Variants in ACOX3 observed in about 807,000 individuals in gnomAD.
The protein encoded by ACOX3 is peroxisomal acyl-coenzyme A oxidase 3.
ACOX3 carries 73 observed loss-of-function variants against 81.5 expected under a neutral mutation model. The ratio of observed to expected loss-of-function variants is 0.90; its 90% confidence interval spans 0.74 to 1.09. ACOX3 has a LOEUF of 1.09. ACOX3 is among the 50% of genes least tolerant of loss of function. The pLI is 0.00. For synonymous variants in ACOX3, 387 were observed against 375.1 expected (o/e 1.03, Z -0.37); for missense variants, 947 against 928.0 (o/e 1.02, Z -0.27).
chr4:8,390,265 G>T (rs2108859159), intron 11 of ACOX3, among the ~76,000 whole-genome samples: 2 of 152,006 alleles, frequency 1.3e-5, no homozygotes, highest in South Asian at 4.1e-4. Flanking sequence ...TTGCTTAAGA[G>T]CCCAGGCATT....
At chr4:8,357,101 G>T in the ACOX3 span, 3 of 456,384 alleles carry the variant, frequency 6.6e-6, no homozygotes, top group East Asian at 1.4e-4. Context: ...GTGAGAGGAA[G>T]AAAGTGAGCA....
chr4:8,375,564 G>A (rs1171742859), intron 14 of ACOX3, among the ~76,000 whole-genome samples: 1 of 152,208 alleles, frequency 6.6e-6, no homozygotes, highest in Admixed American at 6.5e-5. Context: ...AGAGGAGCTG[G>A]AGAAGGGGCT....
rs1002699467 is a variant in ACOX3, at chr4:8,416,350, A to G, written c.144+28T>C. On this transcript the variant is annotated intron_variant, in intron 2 of 17. Transcript: ENST00000356406. This position sits in a 1 kb window ranked among gnomAD's most constrained non-coding sequence, Gnocchi z 4.2. ...AACTAAGACCCCACTGGGAAAAAAG[A>G]CAAGCTGCGCACAACCGCACGCCTC... 5 of 1,613,860 alleles carry G rather than the reference A, an allele frequency of 3.1e-6. No homozygotes were observed. The African/African-American group carries it at 5.3e-5, about 17-fold the overall frequency.
At chr4:8,420,517 T>G (rs1026419008) in intron 1 of ACOX3, among the ~76,000 whole-genome samples, 1 of 152,056 alleles carries the variant, frequency 6.6e-6, no homozygotes, top group Non-Finnish European at 1.5e-5. Context: ...AAATACCAAT[T>G]AGGCTAAAAA....
Position 8,380,861 on chromosome 4 carries a change from C to G in ACOX3, c.1653+631G>C, listed in dbSNP as rs568367741. On this transcript the variant is annotated intron_variant, in intron 14 of 17. Coordinates refer to ENST00000356406, the MANE Select transcript of ACOX3 (RefSeq NM_003501.3). ...TGGCACCCACAGACACATCCGGGAG[C>G]CCTACTGCCCCCACCGGCTGCCCCC... is the stretch of plus-strand genomic sequence containing the variant. Among the ~76,000 whole-genome samples, 148 of 152,304 alleles carry G rather than the reference C, an allele frequency of 9.7e-4. 4 individuals are homozygous for G. In the South Asian group the frequency reaches 0.03, roughly 31 times the overall value.
intron 7 of ACOX3, among the ~76,000 whole-genome samples, chr4:8,403,510 T>A (rs576873906): frequency 6.6e-6 from 1 of 152,250 alleles, no homozygotes; most frequent in Non-Finnish European, 1.5e-5. Context: ...TCCCACTGCA[T>A]CCCTGTCACC....
intron 1 of ACOX3, among the ~76,000 whole-genome samples, chr4:8,427,348 G>C (rs532930627): frequency 3.3e-4 from 50 of 152,306 alleles, no homozygotes; most frequent in African/African-American, 1.2e-3. Flanking sequence ...TCTTGCAACT[G>C]CACACTTTTC....
Position 8,383,875 on chromosome 4 carries a change from C to A in ACOX3, c.1538-2268G>T, listed in dbSNP as rs145092374. Among the ~76,000 whole-genome samples the A allele has an allele frequency of 3.0e-4, 45 of 152,334 alleles. No homozygotes were observed. The East Asian group carries it at 8.3e-3, about 28-fold the overall frequency. ...GTCACGAACAGCAAGGAAAGGTAGA[C>A]GCCGTACAGTTGTGCTTCCCACGAC... On this transcript the variant is annotated intron_variant, in intron 13 of 17. Transcript: ENST00000356406.
Position 8,432,674 on chromosome 4 carries a change from T to C in ACOX3, c.-15+7974A>G, listed in dbSNP as rs564379478. 2.0e-4 allele frequency among the ~76,000 whole-genome samples: 30 copies of C among 152,358 alleles called. No individual in the cohort carries two copies. The highest frequency in any genetic ancestry group is 1.9e-3 in the Admixed American group (29 of 15,306). On this transcript the variant is annotated intron_variant, in intron 1 of 17. Transcript: ENST00000356406. This position sits in a 1 kb window ranked among gnomAD's most constrained non-coding sequence, Gnocchi z 6.2. ...TGTGAAGTGGCTGGAGCCATCATTCTGATCAGCACAACAGGGCTGCCACTC... is the reference window on the plus strand; with the variant it reads ...TGTGAAGTGGCTGGAGCCATCATTCCGATCAGCACAACAGGGCTGCCACTC...
intron 6 of ACOX3, among the ~76,000 whole-genome samples, chr4:8,408,764 C>CA (rs2108944951): frequency 6.6e-6 from 1 of 152,212 alleles, no homozygotes; most frequent in South Asian, 2.1e-4. Context: ...TGGTTGCAGA[C>CA]CCCTAAATAG....
downstream of ACOX3, among the ~76,000 whole-genome samples, chr4:8,362,289 T>A (rs1364802536): frequency 2.0e-5 from 3 of 152,240 alleles, no homozygotes; most frequent in Non-Finnish European, 2.9e-5. Context: ...TGAAGTAATG[T>A]TTTTAACTTT....
intron 14 of ACOX3, among the ~76,000 whole-genome samples, chr4:8,377,205 C>T (rs1717077799): frequency 6.6e-6 from 1 of 152,220 alleles, no homozygotes. Flanking sequence ...CAGCAGGGCC[C>T]AGGCACAGAG....
intron 17 of ACOX3, 62 bp from the exon 18 acceptor site, chr4:8,367,142 C>T (rs827000): frequency 0.3 from 472,380 of 1,587,248 alleles, 71,680 homozygotes; most frequent in Middle Eastern, 0.35. Flanking sequence ...GATTCCTAGA[C>T]GGCTGAGTGT....
intron 9 of ACOX3, among the ~76,000 whole-genome samples, chr4:8,396,572 G>C (rs1007236605): frequency 2.0e-5 from 3 of 151,746 alleles, no homozygotes; most frequent in Non-Finnish European, 2.9e-5. Flanking sequence ...AGCTACTCGG[G>C]AGGCTGAGAC....
intron 1 of ACOX3, among the ~76,000 whole-genome samples, chr4:8,435,295 CCTGA>C (rs1338568572): frequency 1.3e-5 from 2 of 152,144 alleles, no homozygotes; most frequent in Non-Finnish European, 2.9e-5. Context: ...TTGAGACCAT[CCTGA>C]CTAATAGGGT....
chr4:8,392,307 C>A, intron 11 of ACOX3, 26 bp downstream of exon 11: 1 of 1,501,816 alleles, frequency 6.7e-7, no homozygotes, highest in South Asian at 1.4e-5. Context: ...GGACAGGAAA[C>A]CACCATGCGC....
At chr4:8,361,425 C>CAAAAAAAA (rs56251372), downstream of ACOX3, among the ~76,000 whole-genome samples, 1,079 of 39,070 alleles carry the variant, frequency 0.028, 157 homozygotes, top group Non-Finnish European at 0.036. Flanking sequence ...GACTCTATCT[C>CAAAAAAAA]AAAAAAAAAA....
Position 8,432,564 on chromosome 4 carries a change from A to G in ACOX3, c.-15+8084T>C, listed in dbSNP as rs1428225508. On this transcript the variant is annotated intron_variant, in intron 1 of 17. Coordinates refer to ENST00000356406, the MANE Select transcript of ACOX3 (RefSeq NM_003501.3). This position sits in a 1 kb window ranked among gnomAD's most constrained non-coding sequence, Gnocchi z 6.2. ...TTTTTTTTAATTATAAACCCAACAT[A>G]TTGAATTTAACGGGTTTCTATGCTG... Among the ~76,000 whole-genome samples the G allele has an allele frequency of 6.6e-6, 1 of 151,926 alleles. No individual in the cohort carries two copies. The highest frequency in any genetic ancestry group is 1.5e-5 in the Non-Finnish European group (1 of 68,006).
chr4:8,434,957 C>A (rs1003233148), intron 1 of ACOX3, among the ~76,000 whole-genome samples: 2 of 152,216 alleles, frequency 1.3e-5, no homozygotes, highest in African/African-American at 4.8e-5. Context: ...ACCTTTTACC[C>A]TTTCCTTCTT....
Sources: allele counts gnomAD v4.1 joint callset (sites outside exome capture counted in the v4.1 genomes callset), GRCh38; gene constraint gnomAD v4.1.1; non-coding constraint Gnocchi (gnomAD v3.1); transcripts MANE v1.5; gene names NCBI Gene and HGNC (gene_info 2026-07-23, HGNC 2026-07-21).